Variants in EPHA3 observed in about 807,000 individuals in gnomAD.
EPHA3 encodes the protein ephrin type-A receptor 3.
Under a neutral mutation model 107.1 loss-of-function variants are expected in EPHA3, and 42 were observed. The observed-to-expected ratio is 0.39, with a 90% CI of 0.31 to 0.51. The LOEUF (loss-of-function observed/expected upper bound fraction) is 0.51. Among genes scored for constraint, EPHA3 ranks in the 20% least tolerant of loss-of-function variants. The probability of loss-of-function intolerance (pLI) is 0.78; values close to 1 mark genes in which losing one functional copy is unlikely to be tolerated. For missense variants in EPHA3, 1,183 were observed against 1,211.2 expected, an observed-to-expected ratio of 0.98 and a Z score of 0.35; for synonymous variants, 461 against 424.8, an observed-to-expected ratio of 1.09 and a Z score of -1.05.
intron 3 of EPHA3, among the ~76,000 whole-genome samples, chr3:89,232,934 C>A (rs1704671700): frequency 6.6e-6 from 1 of 152,002 alleles, no homozygotes; most frequent in Admixed American, 6.6e-5. Flanking sequence ...CTCCCTGTAC[C>A]TGAATTCATG....
chr3:89,415,243 T>C (rs1442094614), intron 10 of EPHA3, among the ~76,000 whole-genome samples: 1 of 151,266 alleles, frequency 6.6e-6, no homozygotes, highest in African/African-American at 2.4e-5. Context: ...AATAAACCTG[T>C]ATGTTACTCA....
At chr3:89,159,644 T>A (rs535347121) in intron 2 of EPHA3, among the ~76,000 whole-genome samples, 3 of 152,304 alleles carry the variant, frequency 2.0e-5, no homozygotes, top group East Asian at 3.9e-4. Context: ...GTGTATTTGA[T>A]GATTGTGTAT....
Position 89,142,721 on chromosome 3 carries a change from A to C in EPHA3, c.153+15448A>C, listed in dbSNP as rs141650020. Among the ~76,000 whole-genome samples, 36 of 151,648 alleles carry C rather than the reference A, an allele frequency of 2.4e-4. 1 individual carries two copies. The East Asian group carries it at 6.8e-3, about 29-fold the overall frequency. On this transcript the variant is annotated intron_variant, in intron 2 of 16. Transcript: ENST00000336596. ...GTGCACCAAAAAAAGAAGATTTTTA[A>C]AATGTAAAAGCCATTTATTTAAATT...
Position 89,319,085 on chromosome 3 carries a change from G to A in EPHA3, c.815-21831G>A, listed in dbSNP as rs1174402901. Among the ~76,000 whole-genome samples, 3 of 151,822 alleles carry A rather than the reference G, an allele frequency of 2.0e-5. No individual in the cohort carries two copies. The Admixed American group carries it at 2.0e-4, about 10-fold the overall frequency. On this transcript the variant is annotated intron_variant, in intron 3 of 16. Transcript: ENST00000336596. The stretch of plus-strand genomic sequence containing the variant: ...CATTTGTCATTTTCTGAATCTCCTT[G>A]CCAGTATCACTTATCTTTTCTCCAG...
intron 3 of EPHA3, among the ~76,000 whole-genome samples, chr3:89,280,617 A>G (rs1705921168): frequency 6.6e-6 from 1 of 152,160 alleles, no homozygotes; most frequent in Non-Finnish European, 1.5e-5. Flanking sequence ...ATGTAGTTAC[A>G]AGACATGCAT....
intron 5 of EPHA3, among the ~76,000 whole-genome samples, chr3:89,344,169 T>C (rs1485929419): frequency 6.6e-6 from 1 of 152,210 alleles, no homozygotes; most frequent in East Asian, 1.9e-4. Flanking sequence ...GAGCTCCTTA[T>C]TTCCTATCTT....
chr3:89,363,618 T>A (rs1453726021), intron 5 of EPHA3, among the ~76,000 whole-genome samples: 1 of 150,784 alleles, frequency 6.6e-6, no homozygotes, highest in Non-Finnish European at 1.5e-5. Flanking sequence ...ACCAAATATC[T>A]GAGTACCATG....
At chr3:89,437,471 A>T (rs952609025) in intron 13 of EPHA3, among the ~76,000 whole-genome samples, 1 of 151,838 alleles carries the variant, frequency 6.6e-6, no homozygotes. Context: ...GTTTCTCATC[A>T]TGTGACTTTG....
At position 89,466,538 on chromosome 3, in the gene EPHA3, C is replaced by T. The variant is rs1452847649; in HGVS notation, c.2691-5926C>T. ...GTGTGGGATATAGTCTTGTGGTGCG[C>T]CGTTTCTTAAGCCGGTCTGAAAAGC... On this transcript the variant is annotated intron_variant, in intron 15 of 16. Transcript: ENST00000336596. Among the ~76,000 whole-genome samples, 11 of 133,546 alleles carry T rather than the reference C, an allele frequency of 8.2e-5. 1 individual carries two copies. The highest frequency in any genetic ancestry group is 8.1e-4 in the Admixed American group (11 of 13,592). The allele number at this position is 133,546 out of a possible 152,430, so 87.6% of individuals were successfully genotyped here. A position where few individuals can be genotyped will look rare whatever the true frequency, so the allele number is the denominator to read the frequency against.
At chr3:89,187,921 C>T (rs1373598547) in intron 2 of EPHA3, among the ~76,000 whole-genome samples, 1 of 152,092 alleles carries the variant, frequency 6.6e-6, no homozygotes, top group Non-Finnish European at 1.5e-5. Flanking sequence ...TCTCTTAGCA[C>T]CACAAACCTG....
At chr3:89,377,952 C>A (rs560249036) in intron 5 of EPHA3, among the ~76,000 whole-genome samples, 3 of 152,014 alleles carry the variant, frequency 2.0e-5, no homozygotes, top group Non-Finnish European at 4.4e-5. Context: ...TTCTGGTAAA[C>A]CACATGTACT....
At chr3:89,391,328 A>G (rs147255232) in intron 5 of EPHA3, among the ~76,000 whole-genome samples, 15 of 152,086 alleles carry the variant, frequency 9.9e-5, no homozygotes, top group African/African-American at 3.4e-4. Flanking sequence ...TGTGTGATGC[A>G]TAAGCCACCC....
chr3:89,476,501 A>T (rs1710509900), intron 16 of EPHA3, among the ~76,000 whole-genome samples: 1 of 145,190 alleles, frequency 6.9e-6, no homozygotes, highest in Non-Finnish European at 1.5e-5. Flanking sequence ...CAATTACTGC[A>T]TTGGAATATA....
chr3:89,242,223 TAC>T (rs570720443), intron 3 of EPHA3, among the ~76,000 whole-genome samples: 26 of 152,338 alleles, frequency 1.7e-4, no homozygotes, highest in Admixed American at 3.9e-4. Flanking sequence ...ACTGTAATTC[TAC>T]AGAGACAATC....
At chr3:89,265,268 T>G (rs1416737426) in intron 3 of EPHA3, among the ~76,000 whole-genome samples, 1 of 152,160 alleles carries the variant, frequency 6.6e-6, no homozygotes, top group South Asian at 2.1e-4. Flanking sequence ...AGCATAGCAT[T>G]TATTTAGAGA....
chr3:89,369,903 A>C (rs1407175201), intron 5 of EPHA3, among the ~76,000 whole-genome samples: 1 of 150,912 alleles, frequency 6.6e-6, no homozygotes, highest in East Asian at 1.9e-4. Context: ...AACACATGAA[A>C]AAATGCTCAC....
At chr3:89,107,888 T>C in intron 1 of EPHA3, 52 bp downstream of exon 1, 1 of 1,553,808 alleles carries the variant, frequency 6.4e-7, no homozygotes, top group Non-Finnish European at 8.9e-7. Context: ...GCTCACGCTC[T>C]TCAAAGCACG....
chr3:89,135,214 C>G (rs999138342), intron 2 of EPHA3, among the ~76,000 whole-genome samples: 1 of 152,144 alleles, frequency 6.6e-6, no homozygotes, highest in Non-Finnish European at 1.5e-5. Flanking sequence ...CCTGCCCCAC[C>G]ACCTCCTAAA....
chr3:89,389,342 G>T (rs116280732), intron 5 of EPHA3, among the ~76,000 whole-genome samples: 2,440 of 152,236 alleles, frequency 0.016, 69 homozygotes, highest in African/African-American at 0.055. Flanking sequence ...AAAAATAAGA[G>T]ACTAATGCTT....
Sources: allele counts gnomAD v4.1 joint callset (sites outside exome capture counted in the v4.1 genomes callset), GRCh38; gene constraint gnomAD v4.1.1; transcripts MANE v1.5; gene names NCBI Gene and HGNC (gene_info 2026-07-23, HGNC 2026-07-21).